Variants in HMCN1 observed in about 807,000 individuals in gnomAD.
HMCN1 encodes hemicentin-1.
A neutral mutation model predicts 625.9 loss-of-function variants in HMCN1; 321 were observed. That is an observed-to-expected ratio of 0.51 (90% CI 0.47 to 0.56). HMCN1 has a LOEUF of 0.56. Among genes scored for constraint, HMCN1 ranks in the 20% least tolerant of loss-of-function variants. HMCN1 has a pLI of 0.00. For synonymous variants in HMCN1, 2,425 were observed against 2,417.6 expected (o/e 1.00, Z -0.09); for missense variants, 6,588 against 6,887.3 (o/e 0.96, Z 1.54).
chr1:185,981,547 T>A (rs979271040), intron 17 of HMCN1, among the ~76,000 whole-genome samples: 3 of 152,186 alleles, frequency 2.0e-5, no homozygotes, highest in African/African-American at 7.2e-5. Context: ...TATGTCCCCA[T>A]GTCTATTCCT....
intron 2 of HMCN1, 92 bp downstream of exon 2, chr1:185,846,188 T>C: frequency 9.9e-7 from 1 of 1,010,512 alleles, no homozygotes; most frequent in Non-Finnish European, 1.5e-6. Context: ...AAAGACATAG[T>C]TGTTGGCTTT....
At chr1:186,180,850 A>G (rs560732327) in intron 104 of HMCN1, among the ~76,000 whole-genome samples, 1 of 151,760 alleles carries the variant, frequency 6.6e-6, no homozygotes, top group South Asian at 2.1e-4. Context: ...AGAAATATAC[A>G]GTAAGACTGC....
chr1:185,908,734 C>T (rs1164650477), intron 4 of HMCN1, among the ~76,000 whole-genome samples: 1 of 151,298 alleles, frequency 6.6e-6, no homozygotes. Context: ...ATGCTTTTCC[C>T]ATTATATTGT....
intron 1 of HMCN1, among the ~76,000 whole-genome samples, chr1:185,772,538 A>G (rs1210625633): frequency 6.6e-6 from 1 of 152,172 alleles, no homozygotes; most frequent in Non-Finnish European, 1.5e-5. Context: ...GCCATTGAAT[A>G]TCTAGACAGT....
chr1:185,814,700 T>A (rs1208456), intron 1 of HMCN1, among the ~76,000 whole-genome samples: 134,859 of 146,762 alleles, frequency 0.92, 62,511 homozygotes, highest in East Asian at 0.99. Flanking sequence ...TTATTTATTT[T>A]TTTTTTTTTG....
At chr1:185,745,362 T>A (rs1654318669) in intron 1 of HMCN1, among the ~76,000 whole-genome samples, 1 of 152,202 alleles carries the variant, frequency 6.6e-6, no homozygotes, top group African/African-American at 2.4e-5. Context: ...CTAACTGTGG[T>A]GATAGACTGT....
chr1:185,834,011 A>G (rs1439314114), intron 1 of HMCN1, among the ~76,000 whole-genome samples: 1 of 152,190 alleles, frequency 6.6e-6, no homozygotes, highest in African/African-American at 2.4e-5. Context: ...AAATTGCTAT[A>G]GTGACTATTT....
In HMCN1 at chr1:186,078,147, T is replaced by C; in HGVS notation, c.8526T>C (p.Asp2842=). The change falls in exon 55 of 107, where the codon GAT becomes GAC. Residue 2842 remains aspartate (D), a synonymous_variant. Transcript: ENST00000271588. ...VLQIPRAKVE[D]AGRYTCVAVN... is the part of the protein sequence containing the mutation. ...AGATTCCTCGGGCTAAAGTAGAAGA[T>C]GCTGGGAGATACACATGTGTGGCTG... 6.2e-7 allele frequency: 1 copy of C among 1,613,874 alleles called. No individual in the cohort carries two copies. The highest frequency in any genetic ancestry group is 8.5e-7 in the Non-Finnish European group (1 of 1,179,892).
rs1375280913 is a variant in HMCN1, at chr1:186,022,241, A to G, written c.5626-789A>G. ...CACTGATGCCATGAGTTTGGATAAA[A>G]ACTATCAGACAGCTATGTTCCTTGG... On this transcript the variant is annotated intron_variant, in intron 35 of 106. Coordinates refer to ENST00000271588, the MANE Select transcript of HMCN1 (RefSeq NM_031935.3). Among the ~76,000 whole-genome samples the G allele has an allele frequency of 2.0e-5, 3 of 152,112 alleles. No individual in the cohort carries two copies. In the East Asian group the frequency reaches 5.8e-4, roughly 29 times the overall value.
chr1:185,978,074 T>C, intron 16 of HMCN1, 93 bp downstream of exon 16: 2 of 909,380 alleles, frequency 2.2e-6, no homozygotes, highest in South Asian at 1.6e-5. Flanking sequence ...AAATAGTATA[T>C]TAATCTTGCC....
chr1:185,809,845 T>C (rs1026652637), intron 1 of HMCN1, among the ~76,000 whole-genome samples: 1 of 152,116 alleles, frequency 6.6e-6, no homozygotes, highest in Non-Finnish European at 1.5e-5. Flanking sequence ...CAATTCAAAT[T>C]CTCTTCACTA....
At chr1:185,781,253 G>T (rs555876548) in intron 1 of HMCN1, among the ~76,000 whole-genome samples, 1 of 151,496 alleles carries the variant, frequency 6.6e-6, no homozygotes, top group South Asian at 2.1e-4. Context: ...TTCTTTATTA[G>T]TCTTGCTAGC....
chr1:185,904,804 C>T (rs1238901540), intron 4 of HMCN1, among the ~76,000 whole-genome samples: 1 of 151,760 alleles, frequency 6.6e-6, no homozygotes, highest in Non-Finnish European at 1.5e-5. Flanking sequence ...CTAATAAGCA[C>T]TACTGTATGC....
chr1:186,151,476 A>C (rs1168854980), intron 94 of HMCN1, 127 bp downstream of exon 94: 2 of 1,257,394 alleles, frequency 1.6e-6, no homozygotes, highest in South Asian at 1.3e-5. Context: ...ACAAACATAC[A>C]TGAGGTACTG....
intron 4 of HMCN1, among the ~76,000 whole-genome samples, chr1:185,894,972 T>C (rs1256955790): frequency 1.3e-5 from 2 of 152,192 alleles, no homozygotes; most frequent in Non-Finnish European, 2.9e-5. Context: ...CTGACCATTT[T>C]ATTTAGTCTC....
At chr1:185,761,402 C>G (rs1655493384) in intron 1 of HMCN1, among the ~76,000 whole-genome samples, 2 of 152,100 alleles carry the variant, frequency 1.3e-5, no homozygotes, top group Admixed American at 6.6e-5. Context: ...CCTGCCCATC[C>G]CATTTTCCTT....
rs375780493 is a variant in HMCN1, at chr1:185,945,160, A to C, written c.1828+11336A>C. ...CAAAGGAGGAATATTTATTTACTGC[A>C]TCTGAAGAAAGGTGTGATATGTCAG... On this transcript the variant is annotated intron_variant, in intron 11 of 106. Coordinates refer to ENST00000271588, the MANE Select transcript of HMCN1 (RefSeq NM_031935.3). 1.9e-4 allele frequency among the ~76,000 whole-genome samples: 29 copies of C among 152,356 alleles called. No individual in the cohort carries two copies. The East Asian group carries it at 5.6e-3, about 29-fold the overall frequency.
intron 11 of HMCN1, among the ~76,000 whole-genome samples, chr1:185,941,687 C>T (rs1668089467): frequency 6.6e-6 from 1 of 152,152 alleles, no homozygotes; most frequent in African/African-American, 2.4e-5. Context: ...TAAAACATTC[C>T]AGTTTCATGC....
chr1:185,918,891 T>C (rs1391234018), intron 6 of HMCN1, among the ~76,000 whole-genome samples: 3 of 152,098 alleles, frequency 2.0e-5, no homozygotes, highest in Admixed American at 1.3e-4. Context: ...TCTTCTTATC[T>C]ACAGAAGCCA....
Sources: allele counts gnomAD v4.1 joint callset (sites outside exome capture counted in the v4.1 genomes callset), GRCh38; gene constraint gnomAD v4.1.1; transcripts MANE v1.5; gene names NCBI Gene and HGNC (gene_info 2026-07-23, HGNC 2026-07-21).